Variants in PRKRIP1 observed in about 807,000 individuals in gnomAD.
PRKRIP1 encodes the protein PRKR-interacting protein 1.
Under a neutral mutation model 29.3 loss-of-function variants are expected in PRKRIP1, and 29 were observed. That is an observed-to-expected ratio of 0.99 (90% confidence interval 0.74 to 1.35). PRKRIP1 has a LOEUF of 1.35. PRKRIP1 is among the 40% of genes most tolerant of loss of function. The pLI is 0.00. For missense variants in PRKRIP1, 247 were observed against 236.8 expected, an observed-to-expected ratio of 1.04 and a Z score of -0.28; for synonymous variants, 90 against 85.1, an observed-to-expected ratio of 1.06 and a Z score of -0.32.
At chr7:102,416,264 A>G (rs1796545274) in intron 5 of PRKRIP1, among the ~76,000 whole-genome samples, 2 of 152,244 alleles carry the variant, frequency 1.3e-5, no homozygotes, top group African/African-American at 2.4e-5. Context: ...GATTGCAAAG[A>G]TAGTACAGAG....
At chr7:102,403,438 T>C (rs1172741430) in intron 3 of PRKRIP1, among the ~76,000 whole-genome samples, 1 of 152,230 alleles carries the variant, frequency 6.6e-6, no homozygotes, top group East Asian at 1.9e-4. Context: ...CCTTTATGGC[T>C]GTGACTGGAA....
intron 2 of PRKRIP1, among the ~76,000 whole-genome samples, chr7:102,398,033 C>T (rs975566793): frequency 2.6e-5 from 4 of 151,082 alleles, no homozygotes; most frequent in Admixed American, 6.6e-5. Context: ...GGCAACAGAG[C>T]GACATTCTGT....
intron 5 of PRKRIP1, among the ~76,000 whole-genome samples, chr7:102,422,176 TATG>T (rs781830953): frequency 0.069 from 8,512 of 123,508 alleles, 424 homozygotes; most frequent in African/African-American, 0.13. Flanking sequence ...TTATTATTAT[TATG>T]ATTATTATTA....
intron 1 of PRKRIP1, 32 bp downstream of exon 1, chr7:102,396,569 C>T (rs1795904075): frequency 1.3e-6 from 2 of 1,594,964 alleles, no homozygotes; most frequent in African/African-American, 2.7e-5. Flanking sequence ...ACGGCCCGTC[C>T]GAGGCCCACC....
intron 5 of PRKRIP1, among the ~76,000 whole-genome samples, chr7:102,424,336 G>T (rs746683710): frequency 2.6e-5 from 4 of 152,258 alleles, no homozygotes; most frequent in Non-Finnish European, 5.9e-5. Context: ...TGCGGCCGGC[G>T]TCCTGGCATG....
At chr7:102,422,186 ATT>A (rs1398460396) in intron 5 of PRKRIP1, among the ~76,000 whole-genome samples, 6 of 146,328 alleles carry the variant, frequency 4.1e-5, no homozygotes, top group Non-Finnish European at 6.0e-5. Flanking sequence ...TATGATTATT[ATT>A]ATCAGAGACG....
chr7:102,404,779 C>G, intron 4 of PRKRIP1, 96 bp downstream of exon 4: 1 of 844,096 alleles, frequency 1.2e-6, no homozygotes, highest in Middle Eastern at 3.6e-4. Context: ...TCTGCATGAC[C>G]TGTAGGGGTC....
chr7:102,396,592 AGCGCTTCAGGGTTCCC>A, intron 1 of PRKRIP1, 55 bp downstream of exon 1: 1 of 1,567,146 alleles, frequency 6.4e-7, no homozygotes, highest in Non-Finnish European at 8.6e-7. Flanking sequence ...CTTCCTCTGC[AGCGCTTCAGGGTTCCC>A]GCAGGTCCAC....
chr7:102,397,497 G>C, intron 1 of PRKRIP1, 123 bp from the exon 2 acceptor site: 1 of 738,330 alleles, frequency 1.4e-6, no homozygotes, highest in South Asian at 1.7e-5. Context: ...AGTGAGCTCT[G>C]ATTGCACCAC....
In PRKRIP1 at chr7:102,420,120, A is replaced by G. The variant is rs149119529; in HGVS notation, c.458-4894A>G. 2.2e-3 allele frequency among the ~76,000 whole-genome samples: 330 copies of G among 152,208 alleles called. 2 individuals carry two copies. The highest frequency in any genetic ancestry group is 7.7e-3 in the African/African-American group (321 of 41,526). On this transcript the variant is annotated intron_variant, in intron 5 of 5. Transcript: ENST00000397912. Reference sequence around the variant, plus strand: ...AGGCTGGTCTCGAACTCGTGACCTCAAGTGATCTGCCCGCCTTGGCCTCCC... The same window carrying G: ...AGGCTGGTCTCGAACTCGTGACCTCGAGTGATCTGCCCGCCTTGGCCTCCC...
At chr7:102,414,207 CTGAG>C (rs1473082482) in intron 5 of PRKRIP1, among the ~76,000 whole-genome samples, 1 of 151,678 alleles carries the variant, frequency 6.6e-6, no homozygotes, top group Admixed American at 6.6e-5. Context: ...GCCTGGGTGG[CTGAG>C]TGAGATTCTG....
At chr7:102,424,923 C>T in intron 5 of PRKRIP1, 91 bp from the exon 6 acceptor site, 1 of 1,357,882 alleles carries the variant, frequency 7.4e-7, no homozygotes, top group Non-Finnish European at 1.0e-6. Context: ...GGAACAGGGA[C>T]TTTTGACTTC....
intron 2 of PRKRIP1, 44 bp from the exon 3 acceptor site, chr7:102,399,504 G>C: frequency 6.6e-7 from 1 of 1,507,506 alleles, no homozygotes; most frequent in South Asian, 1.1e-5. Context: ...GACCTGTGTT[G>C]GTAACTGAAT....
At chr7:102,407,591 G>A (rs1554572032) in intron 5 of PRKRIP1, 93 bp downstream of exon 5, 2 of 882,992 alleles carry the variant, frequency 2.3e-6, no homozygotes, top group East Asian at 2.5e-5. Flanking sequence ...GGAGAGTTTG[G>A]GCTGGTTGGC....
At chr7:102,405,849 T>G (rs185456116) in intron 4 of PRKRIP1, 3 of 290,768 alleles carry the variant, frequency 1.0e-5, no homozygotes, top group Admixed American at 4.2e-5. Context: ...TCAACACATT[T>G]TCACCAATGA....
In PRKRIP1 at chr7:102,407,414, A is replaced by G. The variant is rs1796262141; in HGVS notation, c.393-20A>G. 2 of 1,510,298 alleles carry G rather than the reference A, an allele frequency of 1.3e-6. No individual in the cohort carries two copies. The highest frequency in any genetic ancestry group is 1.4e-5 in the African/African-American group (1 of 72,902). The allele number at this position is 1,510,298 out of a possible 1,614,324, so 93.6% of individuals were successfully genotyped here. On this transcript the variant is annotated intron_variant, in intron 4 of 5. Coordinates refer to ENST00000397912, the MANE Select transcript of PRKRIP1 (RefSeq NM_024653.4). ...CATAATGTAGTTAAGGAATCAATGT[A>G]TATGGTTTTACATTTTTAGCCAGAA...
At chr7:102,412,866 G>A (rs928592337) in intron 5 of PRKRIP1, among the ~76,000 whole-genome samples, 5 of 152,144 alleles carry the variant, frequency 3.3e-5, no homozygotes, top group African/African-American at 1.2e-4. Context: ...GAAGACTCCC[G>A]GCAGTGTGGG....
intron 3 of PRKRIP1, among the ~76,000 whole-genome samples, chr7:102,402,460 G>A (rs950754303): frequency 6.6e-6 from 1 of 151,910 alleles, no homozygotes; most frequent in African/African-American, 2.4e-5. Context: ...GGGGGTGGGG[G>A]GTGGAGTGAG....
chr7:102,398,600 C>T (rs1162823077), intron 2 of PRKRIP1, among the ~76,000 whole-genome samples: 1 of 152,112 alleles, frequency 6.6e-6, no homozygotes, highest in Non-Finnish European at 1.5e-5. Context: ...CTGCATTATT[C>T]TTAATAACGC....
Sources: allele counts gnomAD v4.1 joint callset (sites outside exome capture counted in the v4.1 genomes callset), GRCh38; gene constraint gnomAD v4.1.1; transcripts MANE v1.5; gene names NCBI Gene and HGNC (gene_info 2026-07-23, HGNC 2026-07-21).